LINGO2: variants seen among roughly 807,000 people sequenced by gnomAD.
The protein encoded by LINGO2 is leucine rich repeat and Ig domain containing 2, also known as leucine-rich repeat and immunoglobulin-like domain-containing nogo receptor-interacting protein 2.
In LINGO2, 14 loss-of-function variants were observed where a neutral mutation model predicts 30.6. That is an observed-to-expected ratio of 0.46 (90% CI 0.30 to 0.72). The LOEUF (loss-of-function observed/expected upper bound fraction) is 0.72. Among genes scored for constraint, LINGO2 ranks in the 30% least tolerant of loss-of-function variants. The probability of loss-of-function intolerance (pLI) is 0.07; values close to 1 mark genes in which losing one functional copy is unlikely to be tolerated. For missense variants in LINGO2, 729 were observed against 751.7 expected (o/e 0.97, Z 0.35); for synonymous variants, 317 against 288.5 (o/e 1.10, Z -1.00).
intron 1 of LINGO2, among the ~76,000 whole-genome samples, chr9:28,632,701 T>C (rs933152417): frequency 7.2e-6 from 1 of 138,280 alleles, no homozygotes; most frequent in Non-Finnish European, 1.5e-5. Flanking sequence ...TATATAGATC[T>C]ATATATTTAT....
the LINGO2 span, among the ~76,000 whole-genome samples, chr9:28,796,075 AC>A: frequency 6.7e-6 from 1 of 150,174 alleles, no homozygotes; most frequent in African/African-American, 2.4e-5. Flanking sequence ...CAGGAAAATA[AC>A]TAAATAGTGC....
chr9:28,808,919 T>C, the LINGO2 span, among the ~76,000 whole-genome samples: 1 of 152,150 alleles, frequency 6.6e-6, no homozygotes, highest in Admixed American at 6.5e-5. Context: ...AAACTAGGAC[T>C]AACGCCCTGG....
intron 1 of LINGO2, among the ~76,000 whole-genome samples, chr9:28,617,001 A>T (rs1315212470): frequency 1.3e-5 from 2 of 152,022 alleles, no homozygotes; most frequent in Non-Finnish European, 2.9e-5. Context: ...CTTAAGAGGT[A>T]TTTTCCTTTC....
intron 1 of LINGO2, among the ~76,000 whole-genome samples, chr9:28,527,448 T>A (rs907577139): frequency 2.0e-5 from 3 of 152,160 alleles, no homozygotes; most frequent in Admixed American, 1.3e-4. Context: ...TCTTCTCTGA[T>A]CATATGTGGC....
chr9:29,019,812 G>A, the LINGO2 span, among the ~76,000 whole-genome samples: 1 of 152,052 alleles, frequency 6.6e-6, no homozygotes, highest in South Asian at 2.1e-4. Context: ...TTGATTATCA[G>A]ATATCTTTCT....
At chr9:29,064,390 T>A in the LINGO2 span, among the ~76,000 whole-genome samples, 5 of 152,094 alleles carry the variant, frequency 3.3e-5, no homozygotes, top group African/African-American at 1.2e-4. Context: ...ACTTCAATGT[T>A]ACATAAAATA....
At chr9:28,689,730 C>A in the LINGO2 span, among the ~76,000 whole-genome samples, 1 of 152,092 alleles carries the variant, frequency 6.6e-6, no homozygotes, top group African/African-American at 2.4e-5. Context: ...TAATATAAAT[C>A]ATTCTATTAT....
At chr9:29,156,897 T>G in the LINGO2 span, among the ~76,000 whole-genome samples, 12 of 152,138 alleles carry the variant, frequency 7.9e-5, no homozygotes, top group African/African-American at 2.9e-4. Flanking sequence ...GCCCAAAATT[T>G]CAAATTTTCC....
intron 2 of LINGO2, among the ~76,000 whole-genome samples, chr9:28,387,432 G>C (rs1821631271): frequency 6.6e-6 from 1 of 152,188 alleles, no homozygotes; most frequent in African/African-American, 2.4e-5. Context: ...AAGTGGGAAG[G>C]GCCAAATAAG....
chr9:28,725,570 G>GAAAAAAAAA, the LINGO2 span, among the ~76,000 whole-genome samples: 1 of 85,716 alleles, frequency 1.2e-5, no homozygotes, highest in Admixed American at 1.1e-4. Flanking sequence ...GGAATAAAAA[G>GAAAAAAAAA]AAAAAAAAAA....
chr9:29,166,022 A>G, the LINGO2 span, among the ~76,000 whole-genome samples: 1 of 152,132 alleles, frequency 6.6e-6, no homozygotes, highest in Non-Finnish European at 1.5e-5. Flanking sequence ...ATCAAGTAAT[A>G]CGTTTAATAA....
chr9:27,987,840 T>C (rs957005793), intron 5 of LINGO2, among the ~76,000 whole-genome samples: 1 of 151,938 alleles, frequency 6.6e-6, no homozygotes, highest in African/African-American at 2.4e-5. Context: ...CAAACCAAAT[T>C]GACCTTCCCA....
At chr9:29,068,168 T>A in the LINGO2 span, among the ~76,000 whole-genome samples, 1 of 151,780 alleles carries the variant, frequency 6.6e-6, no homozygotes, top group Non-Finnish European at 1.5e-5. Context: ...GTCTCCAGTC[T>A]GCAATCAGAA....
chr9:28,264,758 A>G (rs1343037764), intron 4 of LINGO2, among the ~76,000 whole-genome samples: 1 of 151,984 alleles, frequency 6.6e-6, no homozygotes, highest in Non-Finnish European at 1.5e-5. Flanking sequence ...TCTTCCTGTG[A>G]TAGTTTCATG....
chr9:28,662,885 T>C (rs765531740), intron 1 of LINGO2, among the ~76,000 whole-genome samples: 19 of 152,152 alleles, frequency 1.2e-4, no homozygotes, highest in Non-Finnish European at 2.5e-4. Context: ...ATTTCCAACA[T>C]TGTGAGTAAG....
the LINGO2 span, among the ~76,000 whole-genome samples, chr9:28,832,601 A>G: frequency 6.6e-6 from 1 of 152,240 alleles, no homozygotes; most frequent in African/African-American, 2.4e-5. Flanking sequence ...CATGTCCTGC[A>G]AAATTCCTGG....
chr9:29,035,500 C>T, the LINGO2 span, among the ~76,000 whole-genome samples: 1 of 151,654 alleles, frequency 6.6e-6, no homozygotes, highest in South Asian at 2.1e-4. Context: ...TCTAAGCTGA[C>T]ATCTTTGCAG....
chr9:28,056,117 T>G (rs866209963), intron 4 of LINGO2, among the ~76,000 whole-genome samples: 6 of 152,152 alleles, frequency 3.9e-5, no homozygotes, highest in South Asian at 2.1e-4. Flanking sequence ...CCTCTGAGCG[T>G]CTACCGCCCT....
At chr9:29,151,606 T>C in the LINGO2 span, among the ~76,000 whole-genome samples, 4 of 152,280 alleles carry the variant, frequency 2.6e-5, no homozygotes, top group East Asian at 7.7e-4. Flanking sequence ...GGAGTTACTA[T>C]TCTTAAGTGA....
Sources: allele counts gnomAD v4.1 joint callset (sites outside exome capture counted in the v4.1 genomes callset), GRCh38; gene constraint gnomAD v4.1.1; transcripts MANE v1.5; gene names NCBI Gene and HGNC (gene_info 2026-07-23, HGNC 2026-07-21).